The following DPYD variants were observed in gnomAD, a reference collection of about 807,000 sequenced individuals.
The protein encoded by DPYD is dihydropyrimidine dehydrogenase [NADP(+)].
In DPYD, 109 loss-of-function variants were observed where a neutral mutation model predicts 116.2. The observed-to-expected ratio is 0.94, with a 90% CI of 0.80 to 1.10. The LOEUF (loss-of-function observed/expected upper bound fraction) is 1.10. DPYD is among the 50% of genes least tolerant of loss of function. The pLI, the probability that DPYD is intolerant of heterozygous loss-of-function variation, is 0.00. For missense variants in DPYD, 1,302 were observed against 1,254.5 expected (o/e 1.04, Z -0.57); for synonymous variants, 440 against 432.0 (o/e 1.02, Z -0.23).
intron 4 of DPYD, among the ~76,000 whole-genome samples, chr1:97,733,309 G>C (rs550662417): frequency 6.6e-6 from 1 of 151,996 alleles, no homozygotes; most frequent in Non-Finnish European, 1.5e-5. Flanking sequence ...TAAAACGTAT[G>C]TTCATTATAA....
At chr1:97,638,789 C>T (rs984922104) in intron 8 of DPYD, among the ~76,000 whole-genome samples, 30 of 151,934 alleles carry the variant, frequency 2.0e-4, no homozygotes, top group African/African-American at 7.2e-4. Context: ...TCTTAAAAAC[C>T]AGGTCTCATG....
intron 5 of DPYD, chr1:97,720,363 G>T: frequency 4.1e-6 from 4 of 985,486 alleles, no homozygotes; most frequent in Non-Finnish European, 4.8e-6. Context: ...AAAGTGAGGA[G>T]GAATTCAAGT....
At chr1:97,185,012 T>C (rs1020563394) in intron 20 of DPYD, among the ~76,000 whole-genome samples, 1 of 152,194 alleles carries the variant, frequency 6.6e-6, no homozygotes, top group African/African-American at 2.4e-5. Flanking sequence ...TGATACTAGG[T>C]ATAGGATTTT....
intron 16 of DPYD, 108 bp downstream of exon 16, chr1:97,373,453 G>A (rs1448963865): frequency 1.1e-6 from 1 of 916,168 alleles, no homozygotes; most frequent in African/African-American, 1.7e-5. Context: ...GAAGTCTCTA[G>A]CCAGTCATCT....
chr1:97,553,354 G>A (rs1367152569), intron 11 of DPYD, among the ~76,000 whole-genome samples: 1 of 151,894 alleles, frequency 6.6e-6, no homozygotes, highest in Non-Finnish European at 1.5e-5. Flanking sequence ...CCACGTGCAT[G>A]TTATTCATAA....
chr1:97,664,021 C>G (rs551422564), intron 8 of DPYD, among the ~76,000 whole-genome samples: 18 of 152,240 alleles, frequency 1.2e-4, no homozygotes, highest in Admixed American at 8.5e-4. Flanking sequence ...AAAATATTTA[C>G]ATGTCTGTCT....
chr1:97,895,530 A>AAT (rs1027257246), intron 1 of DPYD, among the ~76,000 whole-genome samples: 1 of 151,748 alleles, frequency 6.6e-6, no homozygotes, highest in Non-Finnish European at 1.5e-5. Context: ...GCTAAAAGGA[A>AAT]ATATATATAT....
chr1:97,191,780 G>A (rs1444972124), intron 20 of DPYD, among the ~76,000 whole-genome samples: 1 of 152,062 alleles, frequency 6.6e-6, no homozygotes, highest in Non-Finnish European at 1.5e-5. Context: ...TATTTACATC[G>A]AATGATTGTA....
chr1:97,904,395 G>C (rs1220100053), intron 1 of DPYD, among the ~76,000 whole-genome samples: 1 of 151,878 alleles, frequency 6.6e-6, no homozygotes, highest in East Asian at 1.9e-4. Flanking sequence ...AAATATGAAG[G>C]GTTATTGCAC....
chr1:97,453,261 C>T (rs978628908), intron 13 of DPYD, among the ~76,000 whole-genome samples: 5 of 152,024 alleles, frequency 3.3e-5, no homozygotes, highest in Non-Finnish European at 7.4e-5. Context: ...AAATAGAATG[C>T]CCCCATTCAG....
At chr1:97,357,462 G>C (rs1670484642) in intron 16 of DPYD, among the ~76,000 whole-genome samples, 1 of 151,366 alleles carries the variant, frequency 6.6e-6, no homozygotes, top group African/African-American at 2.4e-5. Context: ...CTATTTGCAT[G>C]CATTTAATTT....
chr1:97,540,560 A>T lies in DPYD; in HGVS notation c.1524+9000T>A, dbSNP rs184072035. Among the ~76,000 whole-genome samples the T allele has an allele frequency of 4.9e-3, 744 of 152,244 alleles. 3 individuals are homozygous for T. Among genetic ancestry groups the T allele is most frequent in the Middle Eastern group, 0.014 (4 of 294 alleles). ...CCTTCTTGGCACACGGAAGCGTTCTAGTTTACTTTCCTGGAAGCACCCCCG... is the reference window on the plus strand; with the variant it reads ...CCTTCTTGGCACACGGAAGCGTTCTTGTTTACTTTCCTGGAAGCACCCCCG... On this transcript the variant is annotated intron_variant, in intron 12 of 22. Coordinates refer to ENST00000370192, the MANE Select transcript of DPYD (RefSeq NM_000110.4).
At chr1:97,653,212 C>T (rs1040486354) in intron 8 of DPYD, among the ~76,000 whole-genome samples, 1 of 151,928 alleles carries the variant, frequency 6.6e-6, no homozygotes, top group Non-Finnish European at 1.5e-5. Flanking sequence ...ACAAATAATA[C>T]CTTTCAAAAA....
intron 2 of DPYD, among the ~76,000 whole-genome samples, chr1:97,837,353 C>T (rs1480784939): frequency 6.6e-6 from 1 of 151,962 alleles, no homozygotes; most frequent in African/African-American, 2.4e-5. Context: ...ACAATTATAC[C>T]CTTGCTAATA....
chr1:97,522,954 T>C (rs1485277980), intron 12 of DPYD, among the ~76,000 whole-genome samples: 4 of 152,184 alleles, frequency 2.6e-5, no homozygotes, highest in African/African-American at 9.6e-5. Context: ...AGATATCTCA[T>C]TTACCTATAT....
chr1:97,172,679 G>C (rs530799330), intron 20 of DPYD, among the ~76,000 whole-genome samples: 20 of 152,264 alleles, frequency 1.3e-4, no homozygotes, highest in African/African-American at 4.3e-4. Flanking sequence ...ACAAAGATTT[G>C]ATAGGATTTA....
chr1:97,640,295 T>A (rs1221579591), intron 8 of DPYD, among the ~76,000 whole-genome samples: 1 of 151,932 alleles, frequency 6.6e-6, no homozygotes, highest in Non-Finnish European at 1.5e-5. Flanking sequence ...ACTTACAAAT[T>A]TCTTTTATTT....
At chr1:97,509,061 AC>A (rs1474677772) in intron 13 of DPYD, among the ~76,000 whole-genome samples, 1 of 151,950 alleles carries the variant, frequency 6.6e-6, no homozygotes, top group Non-Finnish European at 1.5e-5. Flanking sequence ...TCAGCCAGCC[AC>A]CAAACAGTCT....
chr1:97,670,628 T>C (rs1659810833), intron 8 of DPYD, among the ~76,000 whole-genome samples: 1 of 152,180 alleles, frequency 6.6e-6, no homozygotes, highest in African/African-American at 2.4e-5. Flanking sequence ...CAGTCTATGC[T>C]ATTTTGGCAT....
Sources: gnomAD v4.1 joint callset for allele counts (sites outside exome capture counted in the v4.1 genomes callset) on GRCh38, gnomAD v4.1.1 for gene constraint, MANE v1.5 for transcripts, NCBI Gene and HGNC (gene_info 2026-07-23, HGNC 2026-07-21) for gene names.